OPCML: variants seen among roughly 807,000 people sequenced by gnomAD.
The protein encoded by OPCML is opioid binding protein/cell adhesion molecule like.
Under a neutral mutation model 37.8 loss-of-function variants are expected in OPCML, and 13 were observed. The observed-to-expected ratio is 0.34, with a 90% CI of 0.22 to 0.55. The LOEUF (loss-of-function observed/expected upper bound fraction) is 0.55, where lower values mean the gene tolerates loss of function less well. OPCML is among the 20% of genes least tolerant of loss of function. The probability of loss-of-function intolerance (pLI) is 0.91; values close to 1 mark genes in which losing one functional copy is unlikely to be tolerated. For missense variants in OPCML, 341 were observed against 435.6 expected, an observed-to-expected ratio of 0.78 and a Z score of 1.93; for synonymous variants, 176 against 168.8, an observed-to-expected ratio of 1.04 and a Z score of -0.33.
chr11:133,046,411 C>T (rs888093008), intron 1 of OPCML, among the ~76,000 whole-genome samples: 10 of 152,120 alleles, frequency 6.6e-5, no homozygotes, highest in African/African-American at 2.4e-4. Context: ...CCCTTTCTGC[C>T]CGACACACAG....
chr11:132,707,049 C>T (rs967766277), intron 2 of OPCML, among the ~76,000 whole-genome samples: 2 of 152,122 alleles, frequency 1.3e-5, no homozygotes, highest in Middle Eastern at 3.2e-3. Context: ...CATTTTTAAC[C>T]TTACTGTATG....
At chr11:133,278,435 T>C (rs1261709326) in intron 1 of OPCML, among the ~76,000 whole-genome samples, 2 of 152,200 alleles carry the variant, frequency 1.3e-5, no homozygotes, top group Non-Finnish European at 2.9e-5. Context: ...AATGAAAGGA[T>C]AATTCTATAA....
Position 132,535,934 on chromosome 11 carries a change from C to G in OPCML, c.380-6748G>C, listed in dbSNP as rs564009571. 1.6e-4 allele frequency among the ~76,000 whole-genome samples: 25 copies of G among 152,242 alleles called. 1 individual carries two copies. Among genetic ancestry groups the G allele is most frequent in the South Asian group, 1.2e-3 (6 of 4,824 alleles). ...TTCTCTCCACATTGTCAAGAACTCC[C>G]ACGTTGTCAAGAACTCTCTGGGAAT... On this transcript the variant is annotated intron_variant, in intron 3 of 7. Coordinates refer to ENST00000524381, the MANE Select transcript of OPCML (RefSeq NM_001012393.5).
At chr11:133,234,889 G>T in intron 1 of OPCML, among the ~76,000 whole-genome samples, 1 of 152,124 alleles carries the variant, frequency 6.6e-6, no homozygotes, top group East Asian at 1.9e-4. Context: ...TCAAAGTCCA[G>T]GCTCGTCTCT....
chr11:132,734,236 G>A (rs1018439442), intron 2 of OPCML, among the ~76,000 whole-genome samples: 1 of 152,156 alleles, frequency 6.6e-6, no homozygotes, highest in Non-Finnish European at 1.5e-5. Context: ...CCCTTATTCT[G>A]CAGCAATCCC....
Position 133,208,650 on chromosome 11 carries a change from T to G in OPCML, c.62-265640A>C, listed in dbSNP as rs1939221236. 6.6e-6 allele frequency among the ~76,000 whole-genome samples: 1 copy of G among 152,208 alleles called. No homozygotes were observed. The highest frequency in any genetic ancestry group is 6.5e-5 in the Admixed American group (1 of 15,286). On this transcript the variant is annotated intron_variant, in intron 1 of 7. Coordinates refer to ENST00000524381, the MANE Select transcript of OPCML (RefSeq NM_001012393.5). This position sits in a 1 kb window ranked among gnomAD's most constrained non-coding sequence, Gnocchi z 8.9. ...ACCTCGAGTTATCCTTTGTCTGCTG[T>G]TAAGCTTCATGCACCTTCTCATGTC...
intron 1 of OPCML, among the ~76,000 whole-genome samples, chr11:132,949,269 G>A (rs553841632): frequency 2.5e-4 from 38 of 152,366 alleles, no homozygotes; most frequent in African/African-American, 9.1e-4. Context: ...GCTTAAGTAA[G>A]ACTGTAGGCC....
At chr11:132,809,821 ATCT>A (rs1217545508) in intron 2 of OPCML, among the ~76,000 whole-genome samples, 1 of 151,350 alleles carries the variant, frequency 6.6e-6, no homozygotes, top group African/African-American at 2.4e-5. Flanking sequence ...CTCTCCCTCC[ATCT>A]TCTTCTTGTT....
intron 1 of OPCML, among the ~76,000 whole-genome samples, chr11:133,171,662 T>C (rs1360498871): frequency 1.3e-5 from 2 of 152,372 alleles, no homozygotes; most frequent in African/African-American, 4.8e-5. Flanking sequence ...CTAAGACTGC[T>C]TGTCTTTTCC....
intron 2 of OPCML, among the ~76,000 whole-genome samples, chr11:132,940,591 G>A (rs1456651575): frequency 6.6e-6 from 1 of 152,120 alleles, no homozygotes; most frequent in African/African-American, 2.4e-5. Context: ...CTGAAAACAT[G>A]GACTCTCCCT....
chr11:132,520,335 C>T (rs1333296859), intron 4 of OPCML, among the ~76,000 whole-genome samples: 1 of 152,152 alleles, frequency 6.6e-6, no homozygotes, highest in African/African-American at 2.4e-5. Flanking sequence ...TTTTAGTTAG[C>T]TGTGATTCAT....
intron 2 of OPCML, among the ~76,000 whole-genome samples, chr11:132,727,020 C>T (rs947710936): frequency 1.3e-5 from 2 of 152,176 alleles, no homozygotes; most frequent in Non-Finnish European, 2.9e-5. Context: ...CCTGAAGCTC[C>T]TCACACACAC....
At chr11:132,726,040 C>T (rs2135993846) in intron 2 of OPCML, among the ~76,000 whole-genome samples, 1 of 152,284 alleles carries the variant, frequency 6.6e-6, no homozygotes, top group African/African-American at 2.4e-5. Context: ...AAGTTTTAAA[C>T]TTTGCCACGT....
intron 2 of OPCML, among the ~76,000 whole-genome samples, chr11:132,663,990 G>T (rs570874117): frequency 3.3e-5 from 5 of 152,094 alleles, no homozygotes; most frequent in Non-Finnish European, 4.4e-5. Context: ...CCGCCACCAC[G>T]CCCGGCTAAT....
intron 4 of OPCML, among the ~76,000 whole-genome samples, chr11:132,503,255 G>A (rs2096249466): frequency 6.6e-6 from 1 of 152,188 alleles, no homozygotes; most frequent in Non-Finnish European, 1.5e-5. Context: ...TGAGGTGTCA[G>A]GAAAATTGCT....
intron 1 of OPCML, among the ~76,000 whole-genome samples, chr11:133,310,219 C>T (rs186384139): frequency 1.3e-4 from 20 of 152,228 alleles, no homozygotes; most frequent in Admixed American, 1.2e-3. Context: ...TGTAGTGATA[C>T]AACTTAGTAT....
chr11:132,736,441 G>A (rs985415143), intron 2 of OPCML, among the ~76,000 whole-genome samples: 2 of 152,210 alleles, frequency 1.3e-5, no homozygotes, highest in South Asian at 2.1e-4. Flanking sequence ...GGGACAGAGG[G>A]TGAACTGTGA....
At chr11:132,866,067 T>G (rs1244739081) in intron 2 of OPCML, among the ~76,000 whole-genome samples, 1 of 150,174 alleles carries the variant, frequency 6.7e-6, no homozygotes, top group African/African-American at 2.5e-5. Flanking sequence ...TCTCTTCTCC[T>G]CAGGAAAAAA....
In OPCML at chr11:133,263,846, A is replaced by G. The variant is rs768474232; in HGVS notation, c.61+268418T>C. ...TCCCCACTCCAAAAATCTGCCATGT[A>G]TTTTTCAGCCTTGCTACTTTCCAAG... On this transcript the variant is annotated intron_variant, in intron 1 of 7. Transcript: ENST00000524381. 5.5e-4 allele frequency among the ~76,000 whole-genome samples: 83 copies of G among 152,128 alleles called. 1 individual carries two copies. Among genetic ancestry groups the G allele is most frequent in the Admixed American group, 1.1e-3 (17 of 15,278 alleles).
Sources: gnomAD v4.1 joint callset for allele counts (sites outside exome capture counted in the v4.1 genomes callset) on GRCh38, gnomAD v4.1.1 for gene constraint, Gnocchi (gnomAD v3.1) non-coding constraint, MANE v1.5 for transcripts, NCBI Gene and HGNC (gene_info 2026-07-23, HGNC 2026-07-21) for gene names.